Variants in PGBD5 observed in about 807,000 individuals in gnomAD.
PGBD5 encodes piggyBac transposable element derived 5, also known as piggyBac transposable element-derived protein 5.
In PGBD5, 14 loss-of-function variants were observed where a neutral mutation model predicts 47.9. That is an observed-to-expected ratio of 0.29 (90% CI 0.19 to 0.46). PGBD5 has a LOEUF of 0.46. Among genes scored for constraint, PGBD5 ranks in the 20% least tolerant of loss-of-function variants. PGBD5 has a pLI of 1.00. For synonymous variants in PGBD5, 316 were observed against 306.3 expected (o/e 1.03, Z -0.33); for missense variants, 635 against 716.0 (o/e 0.89, Z 1.29).
intron 1 of PGBD5, among the ~76,000 whole-genome samples, chr1:230,358,642 TC>T (rs1312982549): frequency 6.6e-6 from 1 of 151,940 alleles, no homozygotes; most frequent in Admixed American, 6.6e-5. Flanking sequence ...AGGATGGTGG[TC>T]CCATGTAATT....
At chr1:230,413,937 G>A (rs960391648) in intron 1 of PGBD5, among the ~76,000 whole-genome samples, 8 of 152,172 alleles carry the variant, frequency 5.3e-5, no homozygotes, top group Non-Finnish European at 5.9e-5. Context: ...GTATTTGAAA[G>A]AAGATATGAA....
chr1:230,425,505 G>C lies in PGBD5; in HGVS notation c.331+93C>G, dbSNP rs983318717. 2.1e-6 allele frequency: 2 copies of C among 959,802 alleles called. No individual in the cohort carries two copies. Among genetic ancestry groups the C allele is most frequent in the Middle Eastern group, 4.0e-4 (1 of 2,526 alleles). The allele number at this position is 959,802 out of a possible 1,614,324, so 59.5% of individuals were successfully genotyped here. On this transcript the variant is annotated intron_variant, in intron 1 of 6. Coordinates refer to ENST00000391860, the MANE Select transcript of PGBD5 (RefSeq NM_001258311.2). This position sits in a 1 kb window ranked among gnomAD's most constrained non-coding sequence, Gnocchi z 4.7. ...GAGAGACACCCACAAGCCAGCCCACGGAGAGTCTGGACTCGCCCGCCCCAG... is the reference window on the plus strand; with the variant it reads ...GAGAGACACCCACAAGCCAGCCCACCGAGAGTCTGGACTCGCCCGCCCCAG...
At chr1:230,413,030 G>A (rs748183662) in intron 1 of PGBD5, among the ~76,000 whole-genome samples, 9 of 151,928 alleles carry the variant, frequency 5.9e-5, no homozygotes, top group Non-Finnish European at 1.2e-4. Context: ...GCAAAATAAT[G>A]TAAGAAAACC....
intron 1 of PGBD5, among the ~76,000 whole-genome samples, chr1:230,421,583 A>G (rs764860566): frequency 1.3e-5 from 2 of 152,194 alleles, no homozygotes; most frequent in Admixed American, 6.5e-5. Context: ...GCAAGTGACA[A>G]ATGAGAACTG....
rs11122492 is a variant in PGBD5 at position 230,316,232 on chromosome 1, G to A, written c.*7193C>T. ...TGTACACATGTGTATATGTGTATAC[G>A]TACATATGTGTATATATGTATTAAG... On this transcript the variant is annotated 3_prime_UTR_variant, in exon 7 of 7. Transcript: ENST00000391860. 0.83 allele frequency: 122,371 copies of A among 146,692 alleles called. 51,048 individuals are homozygous for A. Among genetic ancestry groups the A allele is most frequent in the East Asian group, 0.91 (4,211 of 4,626 alleles). The allele number at this position is 146,692 out of a possible 1,614,324, so 9.1% of individuals were successfully genotyped here.
At chr1:230,364,479 G>T (rs1294041104) in intron 1 of PGBD5, among the ~76,000 whole-genome samples, 1 of 152,254 alleles carries the variant, frequency 6.6e-6, no homozygotes, top group Non-Finnish European at 1.5e-5. Context: ...AAAACCCCAA[G>T]TATAGCTTCA....
chr1:230,426,243 C>A lies in PGBD5; in HGVS notation c.-315G>T. 1 of 151,180 alleles carries A rather than the reference C, an allele frequency of 6.6e-6. No homozygotes were observed. Among genetic ancestry groups the A allele is most frequent in the Non-Finnish European group, 1.4e-5 (1 of 69,196 alleles). The allele number at this position is 151,180 out of a possible 1,614,324, so 9.4% of individuals were successfully genotyped here. A position where few individuals can be genotyped will look rare whatever the true frequency, so the allele number is the denominator to read the frequency against. Reference sequence around the variant, plus strand: ...CCAGGCGCCGCCGCCGCCACCGCCGCCACCACCGCCACCACCGCCGCCGCT... The same window carrying A: ...CCAGGCGCCGCCGCCGCCACCGCCGACACCACCGCCACCACCGCCGCCGCT... On this transcript the variant is annotated 5_prime_UTR_variant, in exon 1 of 7. Transcript: ENST00000391860.
intron 1 of PGBD5, among the ~76,000 whole-genome samples, chr1:230,377,155 G>A (rs766470270): frequency 3.9e-5 from 6 of 152,164 alleles, no homozygotes; most frequent in Non-Finnish European, 8.8e-5. Context: ...GCTCCTAAAT[G>A]CATAAGTGTA....
intron 3 of PGBD5, among the ~76,000 whole-genome samples, chr1:230,339,232 G>A (rs551664993): frequency 1.3e-5 from 2 of 152,246 alleles, no homozygotes; most frequent in South Asian, 2.1e-4. Flanking sequence ...TGAAGATGAC[G>A]TCAGTTTTAT....
chr1:230,362,123 A>G, intron 1 of PGBD5: 1 of 1,109,812 alleles, frequency 9.0e-7, no homozygotes, highest in Non-Finnish European at 1.2e-6. Flanking sequence ...GCGGGAAGCC[A>G]GTGAAGGGCT....
At chr1:230,411,238 G>A (rs1041611018) in intron 1 of PGBD5, among the ~76,000 whole-genome samples, 5 of 152,130 alleles carry the variant, frequency 3.3e-5, no homozygotes, top group South Asian at 4.1e-4. Context: ...TGCCATGATC[G>A]TGCCATCGCA....
At chr1:230,329,533 A>G (rs936209523) in intron 5 of PGBD5, among the ~76,000 whole-genome samples, 2 of 152,182 alleles carry the variant, frequency 1.3e-5, no homozygotes, top group African/African-American at 4.8e-5. Flanking sequence ...TATATTTGAG[A>G]CAGAGTCTTG....
At position 230,319,405 on chromosome 1, in the gene PGBD5, A is replaced by C. The variant is rs887947498; in HGVS notation, c.*4020T>G. On this transcript the variant is annotated 3_prime_UTR_variant, in exon 7 of 7. Transcript: ENST00000391860. ...AGTGTCGTTGACTTGTTCTCGCCCC[A>C]ATCCCAGGCAAGTGGGGAAATGTTT... The C allele has an allele frequency of 5.9e-5, 9 of 152,114 alleles. No homozygotes were observed. Among genetic ancestry groups the C allele is most frequent in the Non-Finnish European group, 1.2e-4 (8 of 68,048 alleles). 9.4% of individuals were successfully genotyped at this position (152,114 alleles called of 1,614,324 possible).
rs546632074 is a variant in PGBD5 at position 230,356,996 on chromosome 1, G to A, written c.657C>T (p.Ala219=). 25 of 1,614,106 alleles carry A rather than the reference G, an allele frequency of 1.5e-5. No individual in the cohort carries two copies. The highest frequency in any genetic ancestry group is 1.9e-5 in the Non-Finnish European group (22 of 1,180,058). Residue 219 remains alanine (A), a synonymous_variant, in exon 2 of 7, where the codon GCC becomes GCT. Coordinates refer to ENST00000391860, the MANE Select transcript of PGBD5 (RefSeq NM_001258311.2). ...EKILKYFHVV[A]FRSSQTTHGL... ...CGTGCGTGGTCTGGCTGGAGCGGAAGGCCACGACGTGGAAGTACTTGAGGA... is the reference window on the plus strand; with the variant it reads ...CGTGCGTGGTCTGGCTGGAGCGGAAAGCCACGACGTGGAAGTACTTGAGGA...
At chr1:230,362,398 G>A (rs761425181) in intron 1 of PGBD5, 38 of 1,355,962 alleles carry the variant, frequency 2.8e-5, no homozygotes, top group Non-Finnish European at 3.4e-5. Context: ...GACAGTTGTG[G>A]AGGCTTGCCG....
At chr1:230,394,979 T>C (rs1026482649) in intron 1 of PGBD5, among the ~76,000 whole-genome samples, 1 of 110,940 alleles carries the variant, frequency 9.0e-6, no homozygotes, top group African/African-American at 3.5e-5. Flanking sequence ...GTTCCCACCT[T>C]CCTCCCTTCC....
At chr1:230,375,652 CTTTTTTTTTTT>C (rs199545872) in intron 1 of PGBD5, among the ~76,000 whole-genome samples, 40 of 105,656 alleles carry the variant, frequency 3.8e-4, no homozygotes, top group East Asian at 1.3e-3. Context: ...TCCTATTTGA[CTTTTTTTTTTT>C]TTTTTTTTTT....
chr1:230,391,040 T>C (rs1656770805), intron 1 of PGBD5, among the ~76,000 whole-genome samples: 2 of 152,074 alleles, frequency 1.3e-5, no homozygotes, highest in South Asian at 4.2e-4. Flanking sequence ...ACGCCCAGCC[T>C]CATTGCCAGT....
intron 1 of PGBD5, among the ~76,000 whole-genome samples, chr1:230,403,417 C>A (rs1029774924): frequency 1.3e-5 from 2 of 152,348 alleles, no homozygotes; most frequent in Middle Eastern, 3.4e-3. Context: ...GTCTCTACAG[C>A]ACTGAGAAGA....
Sources: allele counts gnomAD v4.1 joint callset (sites outside exome capture counted in the v4.1 genomes callset), GRCh38; gene constraint gnomAD v4.1.1; non-coding constraint Gnocchi (gnomAD v3.1); transcripts MANE v1.5; gene names NCBI Gene and HGNC (gene_info 2026-07-23, HGNC 2026-07-21).